The following NPAS3 variants were observed in gnomAD, a reference collection of about 807,000 sequenced individuals.
The protein encoded by NPAS3 is neuronal PAS domain protein 3, also known as neuronal PAS domain-containing protein 3.
A neutral mutation model predicts 73.1 loss-of-function variants in NPAS3; 14 were observed. That is an observed-to-expected ratio of 0.19 (90% confidence interval 0.13 to 0.30). NPAS3 has a LOEUF of 0.30. NPAS3 is among the 10% of genes least tolerant of loss of function. The probability of loss-of-function intolerance (pLI) is 1.00; values close to 1 mark genes in which losing one functional copy is unlikely to be tolerated. For missense variants in NPAS3, 1,096 were observed against 1,250.0 expected (o/e 0.88, Z 1.86); for synonymous variants, 620 against 541.5 (o/e 1.14, Z -2.01).
At chr14:33,789,831 C>T (rs1392331040) in intron 9 of NPAS3, among the ~76,000 whole-genome samples, 1 of 151,714 alleles carries the variant, frequency 6.6e-6, no homozygotes, top group Non-Finnish European at 1.5e-5. Flanking sequence ...CCTCGTGATC[C>T]GCCCGCCTCG....
chr14:33,610,141 A>T (rs1419757469), intron 5 of NPAS3, among the ~76,000 whole-genome samples: 1 of 152,180 alleles, frequency 6.6e-6, no homozygotes, highest in Non-Finnish European at 1.5e-5. Context: ...TAAGTCTGGG[A>T]ACCCAAAAGA....
intron 7 of NPAS3, among the ~76,000 whole-genome samples, chr14:33,757,371 C>T (rs565903046): frequency 6.6e-6 from 1 of 152,324 alleles, no homozygotes; most frequent in East Asian, 1.9e-4. Context: ...ATGGTCACTG[C>T]TGTTCAACAT....
intron 2 of NPAS3, among the ~76,000 whole-genome samples, chr14:33,195,308 T>C (rs1335710951): frequency 3.9e-5 from 6 of 152,270 alleles, no homozygotes; most frequent in Non-Finnish European, 8.8e-5. Context: ...TCTTGCTCTG[T>C]CACCTAAGCT....
At chr14:33,541,937 A>G (rs2054539284) in intron 4 of NPAS3, among the ~76,000 whole-genome samples, 1 of 151,864 alleles carries the variant, frequency 6.6e-6, no homozygotes, top group Non-Finnish European at 1.5e-5. Context: ...TTTTTTCTTT[A>G]TAACAGCATT....
chr14:33,051,025 A>G (rs1249604996), intron 1 of NPAS3, among the ~76,000 whole-genome samples: 2 of 152,162 alleles, frequency 1.3e-5, no homozygotes, highest in Non-Finnish European at 2.9e-5. Flanking sequence ...CTGTAATCCC[A>G]GCACTTTGGG....
chr14:33,790,145 A>G (rs993056254), intron 9 of NPAS3, among the ~76,000 whole-genome samples: 2 of 152,208 alleles, frequency 1.3e-5, no homozygotes, highest in Admixed American at 6.5e-5. Flanking sequence ...AGACATGGTT[A>G]TGACTTTACT....
intron 1 of NPAS3, among the ~76,000 whole-genome samples, chr14:32,984,164 C>T (rs2038008714): frequency 2.6e-5 from 4 of 152,138 alleles, no homozygotes; most frequent in Non-Finnish European, 5.9e-5. Flanking sequence ...AGAGAGTTGC[C>T]AATCTTTAGA....
chr14:33,572,694 A>T (rs557232132), intron 5 of NPAS3, among the ~76,000 whole-genome samples: 138 of 152,300 alleles, frequency 9.1e-4, no homozygotes, highest in Non-Finnish European at 1.6e-3. Flanking sequence ...AGAAACTGAG[A>T]CATGGTACAA....
intron 3 of NPAS3, among the ~76,000 whole-genome samples, chr14:33,366,908 T>C (rs2045869588): frequency 6.6e-6 from 1 of 152,164 alleles, no homozygotes; most frequent in East Asian, 1.9e-4. Context: ...ATTCATATGT[T>C]TTTATTCCAG....
chr14:33,258,206 G>C (rs1424694236), intron 3 of NPAS3, among the ~76,000 whole-genome samples: 2 of 152,144 alleles, frequency 1.3e-5, no homozygotes, highest in Non-Finnish European at 2.9e-5. Flanking sequence ...AGACCAGCCT[G>C]GGCAACACGT....
intron 6 of NPAS3, among the ~76,000 whole-genome samples, chr14:33,733,378 T>C (rs2061446969): frequency 6.6e-6 from 1 of 152,058 alleles, no homozygotes; most frequent in Non-Finnish European, 1.5e-5. Context: ...AAATTGGTTC[T>C]AAGGGTCTCT....
intron 7 of NPAS3, among the ~76,000 whole-genome samples, chr14:33,763,581 A>G (rs57896319): frequency 0.066 from 10,042 of 152,220 alleles, 658 homozygotes; most frequent in East Asian, 0.3. Context: ...TTTCCCAATG[A>G]AAAAATAGAT....
At chr14:33,593,974 A>G (rs1212774977) in intron 5 of NPAS3, among the ~76,000 whole-genome samples, 1 of 152,174 alleles carries the variant, frequency 6.6e-6, no homozygotes, top group South Asian at 2.1e-4. Flanking sequence ...ATAATCATTC[A>G]TTATCAGGTG....
chr14:33,770,280 T>C (rs1395914763), intron 7 of NPAS3, among the ~76,000 whole-genome samples: 1 of 152,176 alleles, frequency 6.6e-6, no homozygotes, highest in Non-Finnish European at 1.5e-5. Context: ...AGCTTTAAAA[T>C]GCAAACAAAT....
intron 9 of NPAS3, among the ~76,000 whole-genome samples, chr14:33,786,120 C>A (rs747178963): frequency 1.3e-5 from 2 of 152,166 alleles, no homozygotes; most frequent in Non-Finnish European, 2.9e-5. Context: ...GAGGTTTATT[C>A]TCCTGGGATT....
chr14:33,657,827 G>C (rs762340752), intron 5 of NPAS3, among the ~76,000 whole-genome samples: 2 of 152,220 alleles, frequency 1.3e-5, no homozygotes, highest in Non-Finnish European at 2.9e-5. Flanking sequence ...CTTGCAGTGG[G>C]AGTGGGGTGC....
chr14:33,638,712 G>A (rs772172544), intron 5 of NPAS3, among the ~76,000 whole-genome samples: 7 of 152,206 alleles, frequency 4.6e-5, no homozygotes, highest in Non-Finnish European at 1.0e-4. Context: ...GAAATGTCCA[G>A]CCTCAAATGA....
intron 3 of NPAS3, among the ~76,000 whole-genome samples, chr14:33,228,951 T>C (rs947760862): frequency 6.6e-6 from 1 of 152,192 alleles, no homozygotes. Context: ...AACCTCTACT[T>C]TGAAGTATTT....
intron 2 of NPAS3, among the ~76,000 whole-genome samples, chr14:33,205,433 C>T (rs4981181): frequency 0.21 from 32,354 of 151,948 alleles, 3,873 homozygotes; most frequent in South Asian, 0.38. Context: ...GGCCTAAAGT[C>T]GACAAATTTC....
Sources: allele counts gnomAD v4.1 joint callset (sites outside exome capture counted in the v4.1 genomes callset), GRCh38; gene constraint gnomAD v4.1.1; transcripts MANE v1.5; gene names NCBI Gene and HGNC (gene_info 2026-07-23, HGNC 2026-07-21).